Variants in A1CF observed in about 807,000 individuals in gnomAD.
A1CF encodes APOBEC-1 stimulating protein.
A1CF carries 48 observed loss-of-function variants against 68.9 expected under a neutral mutation model. That is an observed-to-expected ratio of 0.70 (90% CI 0.55 to 0.89). A1CF has a LOEUF of 0.89. Ranked by LOEUF, A1CF falls within the 40% of genes least tolerant of loss-of-function variation. The pLI, the probability that A1CF is intolerant of heterozygous loss-of-function variation, is 0.00. For synonymous variants in A1CF, 272 were observed against 260.4 expected, an observed-to-expected ratio of 1.04 and a Z score of -0.43; for missense variants, 653 against 718.9, an observed-to-expected ratio of 0.91 and a Z score of 1.05.
At position 50,816,049 on chromosome 10, in the gene A1CF, T is replaced by G; in HGVS notation, c.1098A>C (p.Gly366=). The G allele has an allele frequency of 6.2e-7, 1 of 1,613,744 alleles. No individual in the cohort carries two copies. The highest frequency in any genetic ancestry group is 1.3e-5 in the African/African-American group (1 of 74,982). ...GGATAATGGCTCTGTTGCTGAGATG[T>G]CCTTTGGTGGCTGGGAAATGAAGAC... is the stretch of plus-strand genomic sequence containing the variant. ...IPSLHFPATK[G]HLSNRAIIRA... The change falls in exon 9 of 13, where the codon GGA becomes GGC. Residue 366 remains glycine, a synonymous_variant. Transcript: ENST00000373997.
chr10:50,871,846 A>G (rs1841283459), intron 1 of A1CF, among the ~76,000 whole-genome samples: 2 of 152,124 alleles, frequency 1.3e-5, no homozygotes. Context: ...GTGTTTTTAT[A>G]ATCTCATGGT....
chr10:50,806,806 A>G lies in A1CF; in HGVS notation c.1684T>C (p.Leu562=), dbSNP rs749643033. 6.8e-6 allele frequency: 11 copies of G among 1,613,662 alleles called. No homozygotes were observed. Among genetic ancestry groups the G allele is most frequent in the Non-Finnish European group, 9.3e-6 (11 of 1,179,760 alleles). ...LKQAVTLGQD[L]AAYTTYEVYP... is the part of the protein sequence containing the mutation. ...ACCTCATAGGTTGTATATGCTGCTA[A>G]GTCTTGTCCAAGGGTTACCGCTTGC... Residue 562 remains leucine, a synonymous_variant, in exon 13 of 13, where the codon TTA becomes CTA. Transcript: ENST00000373997.
chr10:50,830,481 G>T (rs1178802363), intron 6 of A1CF, among the ~76,000 whole-genome samples: 1 of 151,870 alleles, frequency 6.6e-6, no homozygotes, highest in African/African-American at 2.4e-5. Flanking sequence ...AAGAAATCAA[G>T]AAAACTGAAA....
chr10:50,878,041 G>C (rs1841595783), intron 1 of A1CF, among the ~76,000 whole-genome samples: 1 of 152,188 alleles, frequency 6.6e-6, no homozygotes, highest in African/African-American at 2.4e-5. Context: ...AGAATCGCTT[G>C]AACCCGGGAA....
rs1386986018 is a variant in A1CF, at chr10:50,885,580, C to T, written c.-94+1G>A. On this transcript the variant is annotated splice_donor_variant, in intron 1 of 12. Coordinates refer to ENST00000373997, the MANE Select transcript of A1CF (RefSeq NM_014576.4). LOFTEE classifies it low-confidence loss of function (5UTR_SPLICE). The stretch of plus-strand genomic sequence containing the variant: ...AAAAAAGCAAAACACATGGATCATA[C>T]CTGAGTAATTTCAGAGATCCCCACC... The T allele has an allele frequency of 6.6e-6, 1 of 152,150 alleles. No homozygotes were observed. Among genetic ancestry groups the T allele is most frequent in the Non-Finnish European group, 1.5e-5 (1 of 68,038 alleles). The allele number at this position is 152,150 out of a possible 1,614,324, so 9.4% of individuals were successfully genotyped here. A position where few individuals can be genotyped will look rare whatever the true frequency, so the allele number is the denominator to read the frequency against.
intron 2 of A1CF, chr10:50,862,964 A>G (rs535043865): frequency 9.2e-5 from 14 of 152,344 alleles, no homozygotes; most frequent in African/African-American, 3.1e-4. Context: ...CTTTTCCATC[A>G]AAAAGATAAC....
chr10:50,853,697 A>T (rs541250404), intron 3 of A1CF, among the ~76,000 whole-genome samples: 5 of 151,770 alleles, frequency 3.3e-5, no homozygotes, highest in Non-Finnish European at 5.9e-5. Flanking sequence ...TTTAAAAACT[A>T]GATTCGCTTC....
At chr10:50,840,869 C>G (rs910615403) in intron 5 of A1CF, among the ~76,000 whole-genome samples, 1 of 152,188 alleles carries the variant, frequency 6.6e-6, no homozygotes, top group Non-Finnish European at 1.5e-5. Context: ...AACAAGTTCA[C>G]AGATACTCGG....
intron 1 of A1CF, among the ~76,000 whole-genome samples, chr10:50,875,777 C>A (rs1841484509): frequency 6.6e-6 from 1 of 152,192 alleles, no homozygotes; most frequent in African/African-American, 2.4e-5. Flanking sequence ...GCTTACTACC[C>A]TCTAGGCATG....
intron 5 of A1CF, among the ~76,000 whole-genome samples, chr10:50,841,237 C>A (rs1361434020): frequency 6.6e-6 from 1 of 152,204 alleles, no homozygotes; most frequent in Non-Finnish European, 1.5e-5. Context: ...GTGCACAGCT[C>A]TCCAACTGTA....
rs755342257 is a variant in A1CF at position 50,806,702 on chromosome 10, CTT to C, written c.*25_*26del. ...TTTTTTTTAATAGAGTTTTGTGTGT[CTT>C]ATTCTTAAATTTAAAAAAGCATCTT... is the stretch of plus-strand genomic sequence containing the variant. On this transcript the variant is annotated 3_prime_UTR_variant, in exon 13 of 13. Transcript: ENST00000373997. 2.6e-6 allele frequency: 4 copies of C among 1,535,064 alleles called. No homozygotes were observed. In the East Asian group the frequency reaches 9.4e-5, roughly 36 times the overall value.
intron 12 of A1CF, among the ~76,000 whole-genome samples, chr10:50,809,125 T>C (rs1837971376): frequency 6.6e-6 from 1 of 152,186 alleles, no homozygotes; most frequent in Non-Finnish European, 1.5e-5. Flanking sequence ...CCATTTGTTG[T>C]GGGTACATAA....
intron 1 of A1CF, among the ~76,000 whole-genome samples, chr10:50,883,719 C>A (rs915720698): frequency 6.6e-6 from 1 of 152,154 alleles, no homozygotes; most frequent in Non-Finnish European, 1.5e-5. Context: ...AAAACGTTGC[C>A]TACTCTCTTA....
chr10:50,820,647 C>T lies in A1CF; in HGVS notation c.772G>A (p.Ala258Thr), dbSNP rs765008826. The change falls in exon 8 of 13, where the codon GCT becomes ACT. Residue 258 changes from alanine (A) to threonine (T), a missense_variant and splice_region_variant. Transcript: ENST00000373997. ...EKEFNNIKPGAVERVKKIRDY... is the reference protein window; with the variant it reads ...EKEFNNIKPGTVERVKKIRDY... ...CGAATTTTCTTCACCCTCTCCACAG[C>T]ACCTGTAAAATAGAGTGAAGGTTGC... is the stretch of plus-strand genomic sequence containing the variant. 6.2e-7 allele frequency: 1 copy of T among 1,612,708 alleles called. No homozygotes were observed. Among genetic ancestry groups the T allele is most frequent in the Non-Finnish European group, 8.5e-7 (1 of 1,179,356 alleles).
At chr10:50,852,349 C>T (rs184085666) in intron 3 of A1CF, among the ~76,000 whole-genome samples, 1 of 152,304 alleles carries the variant, frequency 6.6e-6, no homozygotes, top group East Asian at 1.9e-4. Flanking sequence ...ATGTTGGGCA[C>T]ACACCCCCTC....
chr10:50,850,616 A>G, intron 3 of A1CF: 1 of 1,610,646 alleles, frequency 6.2e-7, no homozygotes, highest in South Asian at 1.1e-5. Flanking sequence ...GTGTTTCTGT[A>G]AAAGAGAACG....
chr10:50,864,222 G>T (rs1023692070), intron 1 of A1CF, 142 bp from the exon 2 acceptor site: 1 of 152,182 alleles, frequency 6.6e-6, no homozygotes, highest in African/African-American at 2.4e-5. Context: ...GTGAATTGGG[G>T]TGATGAGCAG....
intron 11 of A1CF, 99 bp downstream of exon 11, chr10:50,810,941 T>A: frequency 7.7e-7 from 1 of 1,304,378 alleles, no homozygotes. Context: ...AATGAGTAGG[T>A]AGTAGACCTC....
chr10:50,874,300 T>C (rs1841405495), intron 1 of A1CF, among the ~76,000 whole-genome samples: 1 of 152,210 alleles, frequency 6.6e-6, no homozygotes, highest in African/African-American at 2.4e-5. Flanking sequence ...TAAAAATCTG[T>C]TTAAAATTGT....
Sources: gnomAD v4.1 joint callset for allele counts (sites outside exome capture counted in the v4.1 genomes callset) on GRCh38, gnomAD v4.1.1 for gene constraint, MANE v1.5 for transcripts, NCBI Gene and HGNC (gene_info 2026-07-23, HGNC 2026-07-21) for gene names.